Variants in ASTN2 observed in about 807,000 individuals in gnomAD.
ASTN2 encodes astrotactin-2.
In ASTN2, 54 loss-of-function variants were observed where a neutral mutation model predicts 139.8. The observed-to-expected ratio is 0.39, with a 90% CI of 0.31 to 0.48. The LOEUF is 0.48. Among genes scored for constraint, ASTN2 ranks in the 20% least tolerant of loss-of-function variants. The pLI, the probability that ASTN2 is intolerant of heterozygous loss-of-function variation, is 0.95. For synonymous variants in ASTN2, 756 were observed against 719.5 expected, an observed-to-expected ratio of 1.05 and a Z score of -0.81; for missense variants, 1,565 against 1,725.1, an observed-to-expected ratio of 0.91 and a Z score of 1.64.
intron 19 of ASTN2, among the ~76,000 whole-genome samples, chr9:116,545,299 T>C (rs898614306): frequency 3.9e-5 from 6 of 152,244 alleles, no homozygotes; most frequent in African/African-American, 1.2e-4. Flanking sequence ...TCCTAAAATG[T>C]GTTGTTCTCA....
At chr9:116,523,983 A>AT (rs1187683971) in intron 19 of ASTN2, among the ~76,000 whole-genome samples, 1 of 152,208 alleles carries the variant, frequency 6.6e-6, no homozygotes, top group African/African-American at 2.4e-5. Context: ...GTGAATTTTT[A>AT]GCAAGGAGAG....
chr9:116,681,598 A>G (rs1458260376), intron 16 of ASTN2, among the ~76,000 whole-genome samples: 6,848 of 152,136 alleles, frequency 0.045, 533 homozygotes, highest in African/African-American at 0.16. Context: ...CAAAGCTGGA[A>G]GCATCACGCT....
At chr9:116,822,611 G>A (rs55978723) in intron 11 of ASTN2, among the ~76,000 whole-genome samples, 3,298 of 152,280 alleles carry the variant, frequency 0.022, 50 homozygotes, top group Non-Finnish European at 0.034. Flanking sequence ...CCTGGGCAGG[G>A]TATGGTCTCA....
At chr9:116,446,047 C>G (rs1847977491) in intron 20 of ASTN2, among the ~76,000 whole-genome samples, 1 of 151,806 alleles carries the variant, frequency 6.6e-6, no homozygotes, top group South Asian at 2.1e-4. Flanking sequence ...CAGGCAGTGC[C>G]TGGAGGGGTT....
chr9:116,495,475 T>C (rs575498502), intron 19 of ASTN2, among the ~76,000 whole-genome samples: 33 of 152,214 alleles, frequency 2.2e-4, no homozygotes, highest in Non-Finnish European at 4.0e-4. Flanking sequence ...ACCAACCAAG[T>C]TCTGATGACA....
chr9:116,637,164 A>G (rs1479184618), intron 17 of ASTN2, among the ~76,000 whole-genome samples: 3 of 152,194 alleles, frequency 2.0e-5, no homozygotes, highest in African/African-American at 7.2e-5. Context: ...GCAGAAATGG[A>G]CTAAGGTAGA....
intron 2 of ASTN2, among the ~76,000 whole-genome samples, chr9:117,254,274 T>C (rs1833622224): frequency 2.0e-5 from 3 of 152,212 alleles, no homozygotes; most frequent in Admixed American, 2.0e-4. Context: ...CTATCATTTA[T>C]TGAGGATTTA....
chr9:117,314,727 A>G (rs951374688), intron 1 of ASTN2, among the ~76,000 whole-genome samples: 1 of 145,790 alleles, frequency 6.9e-6, no homozygotes. Flanking sequence ...ACATATAATT[A>G]TATGTCATAT....
At chr9:117,016,624 C>CTATATATATA (rs1175306157) in intron 6 of ASTN2, among the ~76,000 whole-genome samples, 3 of 19,998 alleles carry the variant, frequency 1.5e-4, no homozygotes, top group African/African-American at 6.8e-4. Context: ...ATCTATCTAT[C>CTATATATATA]TATATATATA....
At chr9:116,858,792 A>G (rs1391015181) in intron 11 of ASTN2, among the ~76,000 whole-genome samples, 1 of 152,226 alleles carries the variant, frequency 6.6e-6, no homozygotes, top group Non-Finnish European at 1.5e-5. Context: ...CAAAAATAAT[A>G]GCATAATTAT....
At chr9:116,658,730 GCT>G (rs1858374238) in intron 16 of ASTN2, among the ~76,000 whole-genome samples, 3 of 96,900 alleles carry the variant, frequency 3.1e-5, no homozygotes, top group Non-Finnish European at 4.0e-5. Flanking sequence ...CCTGACCACC[GCT>G]CTTTTTTTTT....
intron 7 of ASTN2, among the ~76,000 whole-genome samples, chr9:117,005,854 T>A (rs1837339435): frequency 1.3e-5 from 2 of 152,130 alleles, no homozygotes; most frequent in South Asian, 4.1e-4. Flanking sequence ...AAGTAATTAA[T>A]CCTTGAACTT....
chr9:117,406,368 G>A (rs1228039132), intron 1 of ASTN2, among the ~76,000 whole-genome samples: 1 of 152,114 alleles, frequency 6.6e-6, no homozygotes, highest in Non-Finnish European at 1.5e-5. Flanking sequence ...GCACTGTTTT[G>A]CTTAAAATTC....
Position 116,657,910 on chromosome 9 carries a change from T to C in ASTN2, c.2807-6117A>G, listed in dbSNP as rs1210741789. Reference sequence around the variant, plus strand: ...AAGATTTTTTTTTTTTTTTTTGAGATGGAGTCTTGCTGTATCACCCAGATT... The same window carrying C: ...AAGATTTTTTTTTTTTTTTTTGAGACGGAGTCTTGCTGTATCACCCAGATT... On this transcript the variant is annotated intron_variant, in intron 16 of 22. Coordinates refer to ENST00000313400, the MANE Select transcript of ASTN2 (RefSeq NM_001365068.1). Among the ~76,000 whole-genome samples the C allele has an allele frequency of 2.0e-5, 3 of 148,874 alleles. No homozygotes were observed. The East Asian group carries it at 6.1e-4, about 30-fold the overall frequency.
At chr9:116,635,895 T>C (rs1381498442) in intron 17 of ASTN2, among the ~76,000 whole-genome samples, 1 of 152,186 alleles carries the variant, frequency 6.6e-6, no homozygotes, top group Non-Finnish European at 1.5e-5. Flanking sequence ...CAAAACCCAG[T>C]TTCCAAGGGG....
chr9:116,722,372 A>C (rs1192554552), intron 16 of ASTN2, among the ~76,000 whole-genome samples: 1 of 152,264 alleles, frequency 6.6e-6, no homozygotes. Flanking sequence ...ATGAGAGTAA[A>C]GTAAACTCCT....
intron 16 of ASTN2, among the ~76,000 whole-genome samples, chr9:116,680,874 G>GA (rs1477803827): frequency 1.3e-5 from 2 of 152,030 alleles, no homozygotes; most frequent in Non-Finnish European, 2.9e-5. Context: ...GGACGTATTT[G>GA]AAAATAACAA....
chr9:116,986,727 T>A (rs777634988), intron 7 of ASTN2, among the ~76,000 whole-genome samples: 1 of 152,202 alleles, frequency 6.6e-6, no homozygotes, highest in African/African-American at 2.4e-5. Flanking sequence ...CCCTGCTTGC[T>A]GAAGGTCACA....
intron 1 of ASTN2, among the ~76,000 whole-genome samples, chr9:117,406,768 C>T (rs1301761024): frequency 6.6e-6 from 1 of 151,780 alleles, no homozygotes; most frequent in Non-Finnish European, 1.5e-5. Flanking sequence ...TCTCTTTTCC[C>T]TTAGTTTTTT....
Sources: gnomAD v4.1 joint callset for allele counts (sites outside exome capture counted in the v4.1 genomes callset) on GRCh38, gnomAD v4.1.1 for gene constraint, MANE v1.5 for transcripts, NCBI Gene and HGNC (gene_info 2026-07-23, HGNC 2026-07-21) for gene names.